BDP1: variants seen among roughly 807,000 people sequenced by gnomAD.
BDP1 encodes BDP1 general transcription factor IIIB subunit.
In BDP1, 169 loss-of-function variants were observed where a neutral mutation model predicts 266.6. That is an observed-to-expected ratio of 0.63 (90% CI 0.56 to 0.72). BDP1 has a LOEUF of 0.72. BDP1 is among the 30% of genes least tolerant of loss of function. The pLI is 0.00. For synonymous variants in BDP1, 1,090 were observed against 1,022.4 expected (o/e 1.07, Z -1.26); for missense variants, 3,015 against 3,053.8 (o/e 0.99, Z 0.30).
chr5:71,540,437 C>T (rs529866929), intron 28 of BDP1, among the ~76,000 whole-genome samples: 1 of 152,142 alleles, frequency 6.6e-6, no homozygotes, highest in Non-Finnish European at 1.5e-5. Flanking sequence ...AAGCAATTCT[C>T]CTGCCTTAGC....
intron 25 of BDP1, among the ~76,000 whole-genome samples, chr5:71,525,837 A>ACGGTGTGGCTGCCGG (rs1765826920): frequency 6.7e-6 from 1 of 149,042 alleles, no homozygotes; most frequent in South Asian, 2.1e-4. Flanking sequence ...CACTTCTCAG[A>ACGGTGTGGCTGCCGG]CGGTGTGGCT....
At chr5:71,499,892 T>C (rs1317039913) in intron 13 of BDP1, among the ~76,000 whole-genome samples, 2 of 152,206 alleles carry the variant, frequency 1.3e-5, no homozygotes, top group Admixed American at 6.5e-5. Context: ...GGTCAAATAA[T>C]GTTTTAAATA....
chr5:71,465,261 A>G (rs1561669068), intron 4 of BDP1, among the ~76,000 whole-genome samples: 1 of 152,050 alleles, frequency 6.6e-6, no homozygotes, highest in Non-Finnish European at 1.5e-5. Context: ...CTAATGCTAT[A>G]TAACTATAAG....
At chr5:71,560,574 A>G (rs2112093324) in intron 37 of BDP1, among the ~76,000 whole-genome samples, 1 of 152,304 alleles carries the variant, frequency 6.6e-6, no homozygotes, top group African/African-American at 2.4e-5. Context: ...CTGACATCAG[A>G]AGTTGTTTTA....
intron 7 of BDP1, among the ~76,000 whole-genome samples, chr5:71,473,613 T>C (rs921637058): frequency 6.6e-6 from 1 of 152,132 alleles, no homozygotes; most frequent in Non-Finnish European, 1.5e-5. Context: ...TGGTGTGTTT[T>C]TATTGATTTT....
chr5:71,564,666 T>C lies in BDP1; in HGVS notation c.7744-88T>C, dbSNP rs277944. 541,884 of 1,135,206 alleles carry C rather than the reference T, an allele frequency of 0.48. 131,727 individuals carry two copies. Among genetic ancestry groups the C allele is most frequent in the South Asian group, 0.55 (32,880 of 59,848 alleles). The allele number at this position is 1,135,206 out of a possible 1,614,324, so 70.3% of individuals were successfully genotyped here. ...ACGTTGCTTTTCAAACAGATCATAT[T>C]GGTTTAGACTGCTATATATACACAC... On this transcript the variant is annotated intron_variant, in intron 38 of 38. Coordinates refer to ENST00000358731, the MANE Select transcript of BDP1 (RefSeq NM_018429.3).
chr5:71,512,606 A>G (rs937880807), intron 18 of BDP1, among the ~76,000 whole-genome samples, 178 bp downstream of exon 18: 6 of 152,208 alleles, frequency 3.9e-5, no homozygotes, highest in Admixed American at 1.3e-4. Context: ...AGTTACTGAC[A>G]TACAAAATTG....
chr5:71,518,067 G>T (rs1202101590), intron 22 of BDP1, among the ~76,000 whole-genome samples: 1 of 152,158 alleles, frequency 6.6e-6, no homozygotes, highest in Non-Finnish European at 1.5e-5. Context: ...AGCTAGTAGG[G>T]TGAAGAAGTT....
chr5:71,455,744 C>T lies in BDP1; in HGVS notation c.-134C>T. On this transcript the variant is annotated 5_prime_UTR_variant, in exon 1 of 39. It adds an upstream start codon to the 5' untranslated region. Coordinates refer to ENST00000358731, the MANE Select transcript of BDP1 (RefSeq NM_018429.3). ...AGGCGGCGGCGGGGCAGTGAAACTACGGTAGCTGCCCCCTGAGCTGGTGGT... is the reference window on the plus strand; with the variant it reads ...AGGCGGCGGCGGGGCAGTGAAACTATGGTAGCTGCCCCCTGAGCTGGTGGT... The T allele has an allele frequency of 1.3e-6, 1 of 745,582 alleles. No homozygotes were observed. The allele number at this position is 745,582 out of a possible 1,614,324, so 46.2% of individuals were successfully genotyped here.
Position 71,539,643 on chromosome 5 carries a change from G to A in BDP1, c.6016G>A (p.Gly2006Ser). ...VLQSEISSEQGDVGVCIIPHV... is the reference protein window; with the variant it reads ...VLQSEISSEQSDVGVCIIPHV... Reference sequence around the variant, plus strand: ...GCAGTCAGAGATCAGTAGTGAACAGGGTGATGGTAAGAATGAAAGCTAAGT... The same window carrying A: ...GCAGTCAGAGATCAGTAGTGAACAGAGTGATGGTAAGAATGAAAGCTAAGT... Residue 2006 changes from glycine to serine, a missense_variant, in exon 28 of 39, where the codon GGT (glycine) becomes AGT (serine). Coordinates refer to ENST00000358731, the MANE Select transcript of BDP1 (RefSeq NM_018429.3). 6.2e-7 allele frequency: 1 copy of A among 1,601,458 alleles called. No individual in the cohort carries two copies. Among genetic ancestry groups the A allele is most frequent in the African/African-American group, 1.3e-5 (1 of 74,238 alleles).
At chr5:71,526,341 G>T (rs1273070645) in intron 25 of BDP1, among the ~76,000 whole-genome samples, 1 of 151,736 alleles carries the variant, frequency 6.6e-6, no homozygotes, top group Non-Finnish European at 1.5e-5. Flanking sequence ...TTTGGACCAG[G>T]CATGGTGGCT....
Position 71,511,074 on chromosome 5 carries a change from A to T in BDP1, c.3982A>T (p.Thr1328Ser). The T allele has an allele frequency of 6.2e-7, 1 of 1,614,186 alleles. No homozygotes were observed. Among genetic ancestry groups the T allele is most frequent in the Non-Finnish European group, 8.5e-7 (1 of 1,180,014 alleles). Residue 1328 changes from threonine (T) to serine (S), a missense_variant, in exon 17 of 39, where the codon ACC (threonine) becomes TCC (serine). Transcript: ENST00000358731. ...GGAAAACGAGCTAGAGGAGACCAGT[A>T]CCTCAAGACAAACTGACACACATTT... is the stretch of plus-strand genomic sequence containing the variant. ...PRENELEETS[T>S]SRQTDTHLMQ...
intron 19 of BDP1, among the ~76,000 whole-genome samples, chr5:71,513,847 A>ATGCTGGGACTACAGGCGCGTGC (rs1765079697): frequency 6.6e-6 from 1 of 151,884 alleles, no homozygotes; most frequent in Non-Finnish European, 1.5e-5. Flanking sequence ...AGCCTCCTGA[A>ATGCTGGGACTACAGGCGCGTGC]TGCTGGGACT....
In BDP1 at chr5:71,517,339, A is replaced by C. The variant is rs1765275176; in HGVS notation, c.4878A>C (p.Glu1626Asp). The change falls in exon 22 of 39, where the codon GAA (glutamate) becomes GAC (aspartate). Residue 1626 changes from glutamate to aspartate, a missense_variant. Transcript: ENST00000358731. ...CTTTTCAGTCAAATTCTCAAATTGAAACTGAAATTGAAGTTCCATCGTCCG... is the reference window on the plus strand; with the variant it reads ...CTTTTCAGTCAAATTCTCAAATTGACACTGAAATTGAAGTTCCATCGTCCG... Reference protein sequence around the residue: ...KVLTVSNSQIETEIEVPSSAV... With the variant: ...KVLTVSNSQIDTEIEVPSSAV... 6.3e-7 allele frequency: 1 copy of C among 1,597,430 alleles called. No homozygotes were observed. Among genetic ancestry groups the C allele is most frequent in the Non-Finnish European group, 8.5e-7 (1 of 1,175,430 alleles).
At chr5:71,456,175 AG>A (rs1761173782) in intron 1 of BDP1, 86 bp downstream of exon 1, 1 of 1,300,466 alleles carries the variant, frequency 7.7e-7, no homozygotes, top group East Asian at 2.4e-5. Context: ...ATTTTATCAC[AG>A]GAGTCCGCTC....
At chr5:71,548,543 T>TAAAGCTTCAA in intron 32 of BDP1, 139 bp from the exon 33 acceptor site, 1 of 607,758 alleles carries the variant, frequency 1.6e-6, no homozygotes, top group Non-Finnish European at 3.0e-6. Context: ...TGGAACAGCC[T>TAAAGCTTCAA]AAAGCTTCAA....
At chr5:71,485,444 AT>A (rs1466862068) in intron 8 of BDP1, among the ~76,000 whole-genome samples, 1 of 152,174 alleles carries the variant, frequency 6.6e-6, no homozygotes, top group Non-Finnish European at 1.5e-5. Flanking sequence ...TTTCAGAATC[AT>A]TGTGGAGAGT....
At position 71,506,786 on chromosome 5, in the gene BDP1, AACAC is replaced by A. The variant is rs70992971; in HGVS notation, c.2372+2070_2372+2073del. 3.6e-3 allele frequency among the ~76,000 whole-genome samples: 235 copies of A among 64,400 alleles called. 2 individuals carry two copies. Among genetic ancestry groups the A allele is most frequent in the Middle Eastern group, 0.018 (2 of 114 alleles). The allele number at this position is 64,400 out of a possible 152,430, so 42.2% of individuals were successfully genotyped here. ...TATATATATATATATATATATTTGA[AACAC>A]ACACACACACACACACACACACACA... On this transcript the variant is annotated intron_variant, in intron 16 of 38. Coordinates refer to ENST00000358731, the MANE Select transcript of BDP1 (RefSeq NM_018429.3).
At chr5:71,470,064 C>T (rs1393332935) in intron 6 of BDP1, among the ~76,000 whole-genome samples, 1 of 151,878 alleles carries the variant, frequency 6.6e-6, no homozygotes, top group South Asian at 2.1e-4. Context: ...TGGTCTCAAA[C>T]TCCTGACCTT....
Sources: gnomAD v4.1 joint callset for allele counts (sites outside exome capture counted in the v4.1 genomes callset) on GRCh38, gnomAD v4.1.1 for gene constraint, MANE v1.5 for transcripts, NCBI Gene and HGNC (gene_info 2026-07-23, HGNC 2026-07-21) for gene names.